The following MYO9A variants were observed in gnomAD, a reference collection of about 807,000 sequenced individuals.
The protein encoded by MYO9A is myosin IXA, also known as unconventional myosin-IXa.
MYO9A carries 103 observed loss-of-function variants against 293.3 expected under a neutral mutation model. That is an observed-to-expected ratio of 0.35 (90% CI 0.30 to 0.41). The LOEUF (loss-of-function observed/expected upper bound fraction) is 0.41, where lower values mean the gene tolerates loss of function less well. MYO9A is among the 10% of genes least tolerant of loss of function. MYO9A has a pLI of 1.00. For synonymous variants in MYO9A, 1,001 were observed against 1,035.7 expected (o/e 0.97, Z 0.64); for missense variants, 2,685 against 3,033.0 (o/e 0.89, Z 2.69).
chr15:71,997,324 G>A (rs866322570), intron 9 of MYO9A, among the ~76,000 whole-genome samples: 15 of 152,152 alleles, frequency 9.9e-5, no homozygotes, highest in South Asian at 6.2e-4. Flanking sequence ...AATAACAGCC[G>A]GGCGTGGTGG....
intron 11 of MYO9A, among the ~76,000 whole-genome samples, chr15:71,979,255 T>TAA (rs1189947713): frequency 6.6e-6 from 1 of 152,230 alleles, no homozygotes; most frequent in Non-Finnish European, 1.5e-5. Flanking sequence ...TCTTTTCTTT[T>TAA]AATTAACAAT....
At chr15:72,019,777 T>G (rs1482263999) in intron 5 of MYO9A, among the ~76,000 whole-genome samples, 1 of 152,052 alleles carries the variant, frequency 6.6e-6, no homozygotes, top group Non-Finnish European at 1.5e-5. Context: ...TGAGACGGAG[T>G]CTCGCTCTGT....
At position 71,875,044 on chromosome 15, in the gene MYO9A, C is replaced by T. The variant is rs1204382209; in HGVS notation, c.5979+747G>A. ...ATTTGAAAACTTTTTACTGCCTCCA[C>T]TTGTAGATTATGCACACCTTAAGGG... On this transcript the variant is annotated intron_variant, in intron 32 of 41. Transcript: ENST00000356056. Among the ~76,000 whole-genome samples the T allele has an allele frequency of 3.9e-5, 6 of 152,098 alleles. No individual in the cohort carries two copies. In the East Asian group the frequency reaches 1.2e-3, roughly 29 times the overall value.
intron 1 of MYO9A, among the ~76,000 whole-genome samples, chr15:72,051,516 C>T (rs958311410): frequency 3.3e-5 from 5 of 152,160 alleles, no homozygotes; most frequent in African/African-American, 4.8e-5. Flanking sequence ...CAGACCCAGG[C>T]ATGTCTGCAC....
intron 1 of MYO9A, among the ~76,000 whole-genome samples, chr15:72,047,321 T>C (rs2149707719): frequency 6.6e-6 from 1 of 152,314 alleles, no homozygotes; most frequent in East Asian, 1.9e-4. Flanking sequence ...TAGGCACCAC[T>C]ACAAATTTTA....
At chr15:71,909,026 T>C (rs973073078) in intron 19 of MYO9A, among the ~76,000 whole-genome samples, 1 of 152,192 alleles carries the variant, frequency 6.6e-6, no homozygotes, top group African/African-American at 2.4e-5. Context: ...CTTTTCATAT[T>C]GGCTTCTTTC....
chr15:72,048,576 T>C (rs1566983345), intron 1 of MYO9A, among the ~76,000 whole-genome samples: 1 of 152,168 alleles, frequency 6.6e-6, no homozygotes, highest in East Asian at 1.9e-4. Flanking sequence ...CTGGGCTCTA[T>C]AGTCTGTTCC....
intron 1 of MYO9A, among the ~76,000 whole-genome samples, chr15:72,095,904 A>C (rs955170716): frequency 6.6e-6 from 1 of 151,932 alleles, no homozygotes; most frequent in African/African-American, 2.4e-5. Context: ...ACATGGTGAA[A>C]CCTCGTCTTT....
intron 1 of MYO9A, among the ~76,000 whole-genome samples, chr15:72,090,846 G>C (rs2079881905): frequency 6.6e-6 from 1 of 151,978 alleles, no homozygotes; most frequent in South Asian, 2.1e-4. Flanking sequence ...GTGAGATTAA[G>C]TGTGATACTG....
intron 18 of MYO9A, among the ~76,000 whole-genome samples, chr15:71,925,241 ATAC>A (rs2058269778): frequency 1.3e-5 from 2 of 148,296 alleles, no homozygotes; most frequent in African/African-American, 5.0e-5. Context: ...ACACATATAT[ATAC>A]ATATACGTAT....
intron 8 of MYO9A, among the ~76,000 whole-genome samples, chr15:72,004,279 CG>C (rs1482786078): frequency 1.2e-4 from 18 of 152,284 alleles, no homozygotes; most frequent in African/African-American, 4.3e-4. Context: ...TATTCTTGGC[CG>C]GGCACAGTGG....
At chr15:71,950,585 G>C (rs2059026873) in intron 15 of MYO9A, among the ~76,000 whole-genome samples, 1 of 152,154 alleles carries the variant, frequency 6.6e-6, no homozygotes, top group South Asian at 2.1e-4. Flanking sequence ...CAACAATTAA[G>C]AATAATTTTA....
At chr15:71,935,124 A>G (rs1392932777) in intron 17 of MYO9A, 2 of 455,858 alleles carry the variant, frequency 4.4e-6, no homozygotes, top group South Asian at 4.5e-5. Context: ...TCCTGGTAAT[A>G]TGGGGGAGAA....
Position 71,901,251 on chromosome 15 carries a change from G to C in MYO9A, c.3090C>G (p.Phe1030Leu). ...LRRIILLQRW[F>L]RVLLCRQHFL... The stretch of plus-strand genomic sequence containing the variant: ...AATGCTGCCTACACAGCAAGACCCT[G>C]AACCATCGCTGCAACAATATGATTC... The change falls in exon 23 of 42, where the codon TTC becomes TTG. Residue 1030 changes from phenylalanine to leucine, a missense_variant. Coordinates refer to ENST00000356056, the MANE Select transcript of MYO9A (RefSeq NM_006901.4). The C allele has an allele frequency of 1.2e-6, 2 of 1,614,078 alleles. No homozygotes were observed. Among genetic ancestry groups the C allele is most frequent in the South Asian group, 1.1e-5 (1 of 91,072 alleles).
At chr15:72,034,912 C>A (rs1317549950) in intron 2 of MYO9A, among the ~76,000 whole-genome samples, 1 of 152,186 alleles carries the variant, frequency 6.6e-6, no homozygotes, top group Non-Finnish European at 1.5e-5. Context: ...CAACTTTTAT[C>A]ACTACATAAA....
chr15:71,985,000 A>T (rs1171584866), intron 11 of MYO9A, among the ~76,000 whole-genome samples: 2 of 152,032 alleles, frequency 1.3e-5, no homozygotes, highest in African/African-American at 4.8e-5. Flanking sequence ...GCTCACTGCA[A>T]CCTCCGCCTC....
At chr15:71,881,282 C>CT (rs939415050) in intron 28 of MYO9A, among the ~76,000 whole-genome samples, 6 of 152,084 alleles carry the variant, frequency 3.9e-5, no homozygotes, top group African/African-American at 1.2e-4. Flanking sequence ...CAAACCCTAT[C>CT]TGGAGCTCGA....
At chr15:72,014,253 C>G (rs2077257515) in intron 6 of MYO9A, among the ~76,000 whole-genome samples, 1 of 152,190 alleles carries the variant, frequency 6.6e-6, no homozygotes, top group African/African-American at 2.4e-5. Context: ...CCAACCAAGC[C>G]TATGTTATTT....
chr15:71,842,687 G>T (rs1341151670), intron 39 of MYO9A, among the ~76,000 whole-genome samples: 1 of 151,498 alleles, frequency 6.6e-6, no homozygotes, highest in South Asian at 2.1e-4. Context: ...GTGAAACCCC[G>T]TCTTTACCAA....
Sources: gnomAD v4.1 joint callset for allele counts (sites outside exome capture counted in the v4.1 genomes callset) on GRCh38, gnomAD v4.1.1 for gene constraint, MANE v1.5 for transcripts, NCBI Gene and HGNC (gene_info 2026-07-23, HGNC 2026-07-21) for gene names.